HR: variants seen among roughly 807,000 people sequenced by gnomAD.
HR encodes the protein lysine-specific demethylase hairless.
In HR, 83 loss-of-function variants were observed where a neutral mutation model predicts 128.6. That is an observed-to-expected ratio of 0.65 (90% confidence interval 0.54 to 0.77). The LOEUF (loss-of-function observed/expected upper bound fraction) is 0.77. HR is among the 30% of genes least tolerant of loss of function. The pLI is 0.00. For synonymous variants in HR, 681 were observed against 658.2 expected, an observed-to-expected ratio of 1.03 and a Z score of -0.53; for missense variants, 1,490 against 1,574.6, an observed-to-expected ratio of 0.95 and a Z score of 0.91.
Position 22,116,283 on chromosome 8 carries a change from G to T in HR, c.3507+17C>A. On this transcript the variant is annotated intron_variant, in intron 18 of 18. Coordinates refer to ENST00000381418, the MANE Select transcript of HR (RefSeq NM_005144.5). This position sits in a 1 kb window ranked among gnomAD's most constrained non-coding sequence, Gnocchi z 4.2. Reference sequence around the variant, plus strand: ...CTTGGGTAGCACACCCAGCCTGCTGGCCCACATCCCACTCACCTGGGCATA... The same window carrying T: ...CTTGGGTAGCACACCCAGCCTGCTGTCCCACATCCCACTCACCTGGGCATA... 6.2e-7 allele frequency: 1 copy of T among 1,611,708 alleles called. No homozygotes were observed. Among genetic ancestry groups the T allele is most frequent in the Non-Finnish European group, 8.5e-7 (1 of 1,179,734 alleles).
chr8:22,120,759 C>T lies in HR; in HGVS notation c.2567G>A (p.Arg856Gln), dbSNP rs755575974. The change falls in exon 11 of 19, where the codon CGG becomes CAG. Residue 856 changes from arginine (R) to glutamine (Q), a missense_variant. Arg to Gln is a conservative substitution (Grantham distance 43). Coordinates refer to ENST00000381418, the MANE Select transcript of HR (RefSeq NM_005144.5). ...CTCCTGGAAGAGGTGGAAGCCACGCCGAGGGCAAGGCTGGGGCTCCTGCAG... is the reference window on the plus strand; with the variant it reads ...CTCCTGGAAGAGGTGGAAGCCACGCTGAGGGCAAGGCTGGGGCTCCTGCAG... The part of the protein sequence containing the change: ...LWLQEPQPCP[R>Q]RGFHLFQEHW... The T allele has an allele frequency of 2.8e-5, 42 of 1,518,600 alleles. No individual in the cohort carries two copies. The highest frequency in any genetic ancestry group is 6.2e-5 in the Admixed American group (3 of 48,578). 94.1% of individuals were successfully genotyped at this position (1,518,600 alleles called of 1,614,324 possible).
chr8:22,127,994 C>A, intron 2 of HR, 165 bp from the exon 3 acceptor site: 1 of 724,578 alleles, frequency 1.4e-6, no homozygotes, highest in Non-Finnish European at 2.4e-6. Flanking sequence ...TGACACTGTC[C>A]TGGCAACCCC....
At position 22,127,266 on chromosome 8, in the gene HR, T is replaced by C. The variant is rs758389280; in HGVS notation, c.1176A>G (p.Glu392=). The part of the protein sequence containing the change: ...TWLTRHSEQF[E]CPRGCPEVEE... ...CGACCTCAGGGCAGCCGCGTGGACATTCAAACTGCTCCGAGTGCCGTGTGA... is the reference window on the plus strand; with the variant it reads ...CGACCTCAGGGCAGCCGCGTGGACACTCAAACTGCTCCGAGTGCCGTGTGA... Residue 392 remains glutamate (E), a synonymous_variant, in exon 3 of 19, where the codon GAA becomes GAG. Transcript: ENST00000381418. 6 of 1,613,060 alleles carry C rather than the reference T, an allele frequency of 3.7e-6. No homozygotes were observed. In the Admixed American group the frequency reaches 5.0e-5, roughly 13 times the overall value.
At chr8:22,119,510 G>A (rs548625646) in intron 14 of HR, among the ~76,000 whole-genome samples, 1 of 152,246 alleles carries the variant, frequency 6.6e-6, no homozygotes, top group South Asian at 2.1e-4. Context: ...GGGAGGCTGA[G>A]GCAGGAGAAT....
At position 22,125,646 on chromosome 8, in the gene HR, G is replaced by C. The variant is rs1462624667; in HGVS notation, c.1492C>G (p.Gln498Glu). The C allele has an allele frequency of 6.2e-7, 1 of 1,612,564 alleles. No individual in the cohort carries two copies. The highest frequency in any genetic ancestry group is 1.3e-5 in the African/African-American group (1 of 75,038). ...LALPAKLAQCQSCAQAAGEGG... is the reference protein window; with the variant it reads ...LALPAKLAQCESCAQAAGEGG... Reference sequence around the variant, plus strand: ...TCTCCAGCTGCCTGGGCACAACTTTGGCATTGAGCCAGTTTTGCAGGGAGA... The same window carrying C: ...TCTCCAGCTGCCTGGGCACAACTTTCGCATTGAGCCAGTTTTGCAGGGAGA... The change falls in exon 4 of 19, where the codon CAA becomes GAA. Residue 498 changes from glutamine (Q) to glutamate (E), a missense_variant. This residue lies in a region of HR where 1,060 missense variants were observed against 1,060.9 expected (regional missense o/e 1.00). Coordinates refer to ENST00000381418, the MANE Select transcript of HR (RefSeq NM_005144.5).
In HR at chr8:22,116,319, C is replaced by A; in HGVS notation, c.3488G>T (p.Cys1163Phe). The A allele has an allele frequency of 6.2e-7, 1 of 1,612,302 alleles. No homozygotes were observed. Among genetic ancestry groups the A allele is most frequent in the South Asian group, 1.1e-5 (1 of 90,972 alleles). ...ACTCACCTGGGCATAAAGCAGGTGG[C>A]AGTCAGGGGGAAGGCTGGGTCCCTG... ...CHQGPSLPPD[C>F]HLLYAQMDWA... Residue 1163 changes from cysteine (C) to phenylalanine (F), a missense_variant, in exon 18 of 19, where the codon TGC becomes TTC. By Grantham distance (205) the Cys-to-Phe change is radical (BLOSUM62 -2). Transcript: ENST00000381418. The surrounding 1 kb of genome is among the most constrained non-coding windows in gnomAD (Gnocchi z 4.2).
Position 22,127,256 on chromosome 8 carries a change from C to G in HR, c.1186G>C (p.Gly396Arg). 6.2e-7 allele frequency: 1 copy of G among 1,613,152 alleles called. No homozygotes were observed. The highest frequency in any genetic ancestry group is 8.5e-7 in the Non-Finnish European group (1 of 1,180,034). ...RHSEQFECPRGCPEVEERPVA... is the reference protein window; with the variant it reads ...RHSEQFECPRRCPEVEERPVA... ...GGCCTCTCCTCGACCTCAGGGCAGC[C>G]GCGTGGACATTCAAACTGCTCCGAG... is the stretch of plus-strand genomic sequence containing the variant. Residue 396 changes from glycine (G) to arginine (R), a missense_variant, in exon 3 of 19, where the codon GGC (glycine) becomes CGC (arginine). Gly to Arg is a moderately radical substitution (Grantham distance 125). Transcript: ENST00000381418.
chr8:22,122,767 C>T (rs1246349002), intron 7 of HR, 23 bp downstream of exon 7: 1 of 1,548,326 alleles, frequency 6.5e-7, no homozygotes, highest in South Asian at 1.2e-5. Flanking sequence ...CTCTGCACGC[C>T]CCACCCCTCC....
At chr8:22,119,653 A>C in intron 14 of HR, 107 bp downstream of exon 14, 1 of 1,284,400 alleles carries the variant, frequency 7.8e-7, no homozygotes, top group Non-Finnish European at 1.1e-6. Context: ...ATGGAATCAG[A>C]GAAGCGCTTC....
chr8:22,120,457 C>T lies in HR; in HGVS notation c.2661G>A (p.Gly887=), dbSNP rs773674017. 12 of 1,614,060 alleles carry T rather than the reference C, an allele frequency of 7.4e-6. No individual in the cohort carries two copies. The highest frequency in any genetic ancestry group is 1.7e-5 in the Admixed American group (1 of 60,032). ...CTCCAAGTGCCCCAAGAGCTTCTGT[C>T]CCCCACAGGTTGCCCTGCAATGTCC... ...IQRTLQGNLW[G]TEALGALGGQ... Residue 887 remains glycine, a synonymous_variant, in exon 12 of 19, where the codon GGG becomes GGA. Coordinates refer to ENST00000381418, the MANE Select transcript of HR (RefSeq NM_005144.5).
chr8:22,125,349 C>A lies in HR; in HGVS notation c.1712G>T (p.Arg571Leu). The change falls in exon 5 of 19, where the codon CGG (arginine) becomes CTG (leucine). Residue 571 changes from arginine (R) to leucine (L), a missense_variant. By Grantham distance (102) the Arg-to-Leu change is moderately radical (BLOSUM62 -2). Around this residue, in one of 3 missense-constraint regions of HR, gnomAD observed 1,060 missense variants for 1,060.9 expected, o/e 1.00. Transcript: ENST00000381418. ...GLGDRLCRLLRREREALAWAQ... is the reference protein window; with the variant it reads ...GLGDRLCRLLLREREALAWAQ... ...CCAAGCCAGGGCCTCCCGCTCCCTC[C>A]GCAGCAGGCGGCACAGTCGGTCCCC... The A allele has an allele frequency of 6.2e-7, 1 of 1,600,786 alleles. No homozygotes were observed. The highest frequency in any genetic ancestry group is 8.5e-7 in the Non-Finnish European group (1 of 1,174,616).
Position 22,120,322 on chromosome 8 carries a change from C to A in HR, c.2776+20G>T. On this transcript the variant is annotated intron_variant, in intron 12 of 18. Coordinates refer to ENST00000381418, the MANE Select transcript of HR (RefSeq NM_005144.5). ...GGCTTGGGCTCCCAGCTCCCTCTCCCCTGTGTTGGGGACACTTACGCTCAG... is the reference window on the plus strand; with the variant it reads ...GGCTTGGGCTCCCAGCTCCCTCTCCACTGTGTTGGGGACACTTACGCTCAG... 6.2e-7 allele frequency: 1 copy of A among 1,613,732 alleles called. No homozygotes were observed. Among genetic ancestry groups the A allele is most frequent in the South Asian group, 1.1e-5 (1 of 91,078 alleles).
chr8:22,128,882 G>C lies in HR; in HGVS notation c.289C>G (p.Leu97Val), dbSNP rs12679538. 1 of 1,613,454 alleles carries C rather than the reference G, an allele frequency of 6.2e-7. No individual in the cohort carries two copies. Among genetic ancestry groups the C allele is most frequent in the African/African-American group, 1.3e-5 (1 of 75,070 alleles). Residue 97 changes from leucine (L) to valine (V), a missense_variant, in exon 2 of 19, where the codon CTG (leucine) becomes GTG (valine). Physicochemically the swap from Leu to Val is conservative, Grantham distance 32. Coordinates refer to ENST00000381418, the MANE Select transcript of HR (RefSeq NM_005144.5). ...KVNWLGSKEG[L>V]RWKEAMLTHP... ...GTAAGCATGGCCTCCTTCCAGCGCAGTCCCTCTTTGCTGCCCAGCCAGTTG... is the reference window on the plus strand; with the variant it reads ...GTAAGCATGGCCTCCTTCCAGCGCACTCCCTCTTTGCTGCCCAGCCAGTTG...
At position 22,116,198 on chromosome 8, in the gene HR, G is replaced by T. The variant is rs1826580902; in HGVS notation, c.3507+102C>A. The T allele has an allele frequency of 2.6e-6, 4 of 1,543,438 alleles. No homozygotes were observed. The highest frequency in any genetic ancestry group is 3.6e-6 in the Non-Finnish European group (4 of 1,121,374). ...CTGCCCCTGCACAGGGTGGCTGCCT[G>T]CTTGGCACAGGGTGGGATCTGCTAT... On this transcript the variant is annotated intron_variant, in intron 18 of 18. Coordinates refer to ENST00000381418, the MANE Select transcript of HR (RefSeq NM_005144.5). The surrounding 1 kb of genome is among the most constrained non-coding windows in gnomAD (Gnocchi z 4.2).
chr8:22,123,882 G>A, intron 5 of HR, 69 bp from the exon 6 acceptor site: 2 of 1,523,592 alleles, frequency 1.3e-6, no homozygotes, highest in East Asian at 2.4e-5. Context: ...CTTCACGTGG[G>A]AAGGATCCAA....
Position 22,116,756 on chromosome 8 carries a change from G to A in HR, c.3378+119C>T, listed in dbSNP as rs1170604385. ...CGTTATCTCTTCCCCACAGCAGCGT[G>A]CGGCTCCCTGCCCTGCCCGGCTCTT... On this transcript the variant is annotated intron_variant, in intron 17 of 18. Transcript: ENST00000381418. The surrounding 1 kb of genome is among the most constrained non-coding windows in gnomAD (Gnocchi z 4.2). 1 of 1,356,834 alleles carries A rather than the reference G, an allele frequency of 7.4e-7. No individual in the cohort carries two copies. Among genetic ancestry groups the A allele is most frequent in the Non-Finnish European group, 1.0e-6 (1 of 984,900 alleles). The allele number at this position is 1,356,834 out of a possible 1,614,324, so 84.0% of individuals were successfully genotyped here.
chr8:22,124,090 GC>G (rs1354882296), intron 5 of HR, among the ~76,000 whole-genome samples: 1 of 152,000 alleles, frequency 6.6e-6, no homozygotes, highest in Non-Finnish European at 1.5e-5. Context: ...ACCCAGCTCT[GC>G]CCCCAGGGAC....
Position 22,115,739 on chromosome 8 carries a change from T to A in HR, c.3531A>T (p.Ala1177=). The change falls in exon 19 of 19, where the codon GCA becomes GCT. Residue 1177 remains alanine (A), a synonymous_variant. Coordinates refer to ENST00000381418, the MANE Select transcript of HR (RefSeq NM_005144.5). ...YAQMDWAVFQ[A]VKVAVGTLQE... The stretch of plus-strand genomic sequence containing the variant: ...GTAATGTCCCCACGGCCACCTTCAC[T>A]GCTTGGAACACAGCCCAGTCCATCT... 6.2e-7 allele frequency: 1 copy of A among 1,613,972 alleles called. No individual in the cohort carries two copies. Among genetic ancestry groups the A allele is most frequent in the Non-Finnish European group, 8.5e-7 (1 of 1,179,990 alleles).
Position 22,128,962 on chromosome 8 carries a change from T to C in HR, c.209A>G (p.Lys70Arg), listed in dbSNP as rs778281089. The stretch of plus-strand genomic sequence containing the variant: ...GCCCTCCACAAGTGGGAGCATGTCC[T>C]TGGGGCCCTGGGGGAAGCCAGGGGG... ...WLPPGFPQGPKDMLPLVEGEG... is the reference protein window; with the variant it reads ...WLPPGFPQGPRDMLPLVEGEG... Residue 70 changes from lysine to arginine, a missense_variant, in exon 2 of 19, where the codon AAG (lysine) becomes AGG (arginine). By Grantham distance (26) the Lys-to-Arg change is conservative. Transcript: ENST00000381418. The C allele has an allele frequency of 6.8e-6, 11 of 1,613,268 alleles. No individual in the cohort carries two copies. The African/African-American group carries it at 1.5e-4, about 22-fold the overall frequency.
Sources: allele counts gnomAD v4.1 joint callset (sites outside exome capture counted in the v4.1 genomes callset), GRCh38; gene constraint gnomAD v4.1.1; regional missense constraint gnomAD v4.1.1; non-coding constraint Gnocchi (gnomAD v3.1); transcripts MANE v1.5; gene names NCBI Gene and HGNC (gene_info 2026-07-23, HGNC 2026-07-21).